Variants in FAT3 observed in about 807,000 individuals in gnomAD.
FAT3 encodes the protein FAT atypical cadherin 3.
Under a neutral mutation model 310.2 loss-of-function variants are expected in FAT3, and 95 were observed. The observed-to-expected ratio is 0.31, with a 90% CI of 0.26 to 0.36. FAT3 has a LOEUF of 0.36. Ranked by LOEUF, FAT3 falls within the 10% of genes least tolerant of loss-of-function variation. The probability of loss-of-function intolerance (pLI) is 1.00; values close to 1 mark genes in which losing one functional copy is unlikely to be tolerated. For missense variants in FAT3, 5,408 were observed against 5,715.6 expected (o/e 0.95, Z 1.74); for synonymous variants, 2,314 against 2,192.9 (o/e 1.06, Z -1.54).
chr11:92,641,492 TC>T (rs1257431960), intron 3 of FAT3, among the ~76,000 whole-genome samples: 2 of 152,166 alleles, frequency 1.3e-5, no homozygotes, highest in Admixed American at 1.3e-4. Flanking sequence ...GAAGCATTCT[TC>T]CCTGCTTCCT....
chr11:92,834,314 A>G (rs1434873108), intron 14 of FAT3, among the ~76,000 whole-genome samples: 4 of 152,172 alleles, frequency 2.6e-5, no homozygotes, highest in African/African-American at 9.7e-5. Context: ...TTCCTTTTCT[A>G]TTCTGTCACT....
intron 2 of FAT3, among the ~76,000 whole-genome samples, chr11:92,505,672 G>GTGTT (rs999814873): frequency 9.2e-5 from 14 of 152,110 alleles, no homozygotes; most frequent in South Asian, 6.2e-4. Flanking sequence ...GACTAACTAG[G>GTGTT]TGTTTGTTTG....
chr11:92,442,169 A>G (rs1229626534), intron 2 of FAT3, among the ~76,000 whole-genome samples: 1 of 116,832 alleles, frequency 8.6e-6, no homozygotes, highest in Non-Finnish European at 1.6e-5. Flanking sequence ...GCTGGAGTGC[A>G]GTGGCTTGAT....
intron 4 of FAT3, among the ~76,000 whole-genome samples, chr11:92,734,067 A>G (rs1263326340): frequency 6.6e-6 from 1 of 152,212 alleles, no homozygotes; most frequent in African/African-American, 2.4e-5. Context: ...TTTGGAAGTT[A>G]TAGGAAGTTT....
At chr11:92,764,704 C>T (rs982050268) in intron 5 of FAT3, among the ~76,000 whole-genome samples, 175 bp from the exon 6 acceptor site, 1 of 152,184 alleles carries the variant, frequency 6.6e-6, no homozygotes, top group Non-Finnish European at 1.5e-5. Context: ...CTGCACATGA[C>T]TGGGTTGTTC....
intron 3 of FAT3, among the ~76,000 whole-genome samples, chr11:92,542,824 A>T (rs1954493986): frequency 6.6e-6 from 1 of 152,104 alleles, no homozygotes; most frequent in Non-Finnish European, 1.5e-5. Context: ...CTACTACTGG[A>T]TAGATATCCA....
intron 7 of FAT3, among the ~76,000 whole-genome samples, chr11:92,775,080 G>A (rs1173602188): frequency 6.6e-6 from 1 of 152,010 alleles, no homozygotes; most frequent in Non-Finnish European, 1.5e-5. Context: ...TCCCTACTGC[G>A]CTCTGAGATT....
chr11:92,893,629 C>G lies in FAT3; in HGVS notation c.*2516C>G, dbSNP rs1949963106. 6.6e-6 allele frequency: 1 copy of G among 152,120 alleles called. No homozygotes were observed. The highest frequency in any genetic ancestry group is 2.1e-4 in the South Asian group (1 of 4,824). 9.4% of individuals were successfully genotyped at this position (152,120 alleles called of 1,614,324 possible). A position where few individuals can be genotyped will look rare whatever the true frequency, so the allele number is the denominator to read the frequency against. On this transcript the variant is annotated 3_prime_UTR_variant, in exon 28 of 28. Coordinates refer to ENST00000525166, the MANE Select transcript of FAT3 (RefSeq NM_001367949.2). ...CATGAAGCCACTGAAGAAAATTGTG[C>G]CCACCCTTTGCTGTGACCTATATAA...
chr11:92,608,334 T>C (rs1415224432), intron 3 of FAT3, among the ~76,000 whole-genome samples: 1 of 152,230 alleles, frequency 6.6e-6, no homozygotes, highest in East Asian at 1.9e-4. Context: ...TACTTGTCAA[T>C]GCTCAGGTAA....
chr11:92,570,472 G>T (rs868109011), intron 3 of FAT3, among the ~76,000 whole-genome samples: 1 of 152,152 alleles, frequency 6.6e-6, no homozygotes, highest in Non-Finnish European at 1.5e-5. Context: ...GAGAACATAT[G>T]CACAAGGGAA....
intron 2 of FAT3, among the ~76,000 whole-genome samples, chr11:92,395,001 G>T (rs1044328896): frequency 2.0e-5 from 3 of 152,160 alleles, no homozygotes; most frequent in Non-Finnish European, 2.9e-5. Context: ...AGAGTAACTG[G>T]TATATAGTAG....
chr11:92,567,200 A>AG (rs2135490339), intron 3 of FAT3, among the ~76,000 whole-genome samples: 1 of 40,890 alleles, frequency 2.4e-5, no homozygotes, highest in Non-Finnish European at 7.0e-5. Context: ...AGAAAAAAAC[A>AG]AAACCCCATC....
intron 3 of FAT3, among the ~76,000 whole-genome samples, chr11:92,613,458 T>A (rs530315793): frequency 1.3e-5 from 2 of 152,372 alleles, no homozygotes; most frequent in East Asian, 3.9e-4. Flanking sequence ...TTCAGATTAA[T>A]TTAAAAGTGA....
chr11:92,834,940 AG>A lies in FAT3; in HGVS notation c.9943del (p.Asp3315MetfsTer49). On this transcript the variant is annotated frameshift_variant, in exon 15 of 28. Coordinates refer to ENST00000525166, the MANE Select transcript of FAT3 (RefSeq NM_001367949.2). LOFTEE classifies it high-confidence loss of function. The part of the protein sequence containing the change: ...KRFYLVVEAK[D>X]GGTPALSAVA... ...GGTTTTACCTGGTAGTGGAAGCCAAAGATGGGGGCACCCCAGCTCTCAGCGC... is the reference window on the plus strand; with the variant it reads ...GGTTTTACCTGGTAGTGGAAGCCAAAATGGGGGCACCCCAGCTCTCAGCGC... 1 of 1,613,206 alleles carries A rather than the reference AG, an allele frequency of 6.2e-7. No homozygotes were observed. The highest frequency in any genetic ancestry group is 8.5e-7 in the Non-Finnish European group (1 of 1,179,626).
chr11:92,350,488 T>G (rs913417922), intron 1 of FAT3, among the ~76,000 whole-genome samples: 4 of 152,138 alleles, frequency 2.6e-5, no homozygotes, highest in Non-Finnish European at 4.4e-5. Flanking sequence ...ACTATTTCAT[T>G]AGAATTAAAT....
intron 3 of FAT3, among the ~76,000 whole-genome samples, chr11:92,572,419 T>A (rs1438894768): frequency 6.6e-6 from 1 of 152,162 alleles, no homozygotes; most frequent in Non-Finnish European, 1.5e-5. Context: ...TATGGATAGT[T>A]CGATATTTTC....
Position 92,762,066 on chromosome 11 carries a change from A to G in FAT3, c.3880A>G (p.Ser1294Gly). Reference sequence around the variant, plus strand: ...GGGCCCCAACGCAGAAATCTCCTACAGTATTGTGGATGGGAATGATGACGG... The same window carrying G: ...GGGCCCCAACGCAGAAATCTCCTACGGTATTGTGGATGGGAATGATGACGG... The part of the protein sequence containing the change: ...DEGPNAEISY[S>G]IVDGNDDGKF... The change falls in exon 5 of 28, where the codon AGT becomes GGT. Residue 1294 changes from serine to glycine, a missense_variant. This residue lies in a region of FAT3 where 4,588 missense variants were observed against 4,809.8 expected (regional missense o/e 0.95). Coordinates refer to ENST00000525166, the MANE Select transcript of FAT3 (RefSeq NM_001367949.2). 6.2e-7 allele frequency: 1 copy of G among 1,613,988 alleles called. No individual in the cohort carries two copies. The highest frequency in any genetic ancestry group is 8.5e-7 in the Non-Finnish European group (1 of 1,179,874).
intron 1 of FAT3, among the ~76,000 whole-genome samples, chr11:92,315,309 T>C (rs182597981): frequency 1.8e-4 from 26 of 146,678 alleles, no homozygotes; most frequent in African/African-American, 5.8e-4. Context: ...TGAGAGACAC[T>C]TGCAAATCAA....
At chr11:92,513,719 C>A (rs1192036644) in intron 2 of FAT3, among the ~76,000 whole-genome samples, 1 of 152,132 alleles carries the variant, frequency 6.6e-6, no homozygotes, top group Non-Finnish European at 1.5e-5. Flanking sequence ...ATGAATCATG[C>A]ACAAGTGAAC....
Sources: gnomAD v4.1 joint callset for allele counts (sites outside exome capture counted in the v4.1 genomes callset) on GRCh38, gnomAD v4.1.1 for gene constraint, gnomAD v4.1.1 regional missense constraint, MANE v1.5 for transcripts, NCBI Gene and HGNC (gene_info 2026-07-23, HGNC 2026-07-21) for gene names.